The following GPR161 variants were observed in gnomAD, a reference collection of about 807,000 sequenced individuals.
GPR161 encodes the protein G-protein coupled receptor RE2.
Under a neutral mutation model 39.2 loss-of-function variants are expected in GPR161, and 25 were observed. The ratio of observed to expected loss-of-function variants is 0.64; its 90% CI spans 0.47 to 0.89. GPR161 has a LOEUF of 0.89. GPR161 is among the 40% of genes least tolerant of loss of function. The pLI is 0.00. For missense variants in GPR161, 547 were observed against 677.8 expected, an observed-to-expected ratio of 0.81 and a Z score of 2.14; for synonymous variants, 286 against 276.6, an observed-to-expected ratio of 1.03 and a Z score of -0.34.
Position 168,085,594 on chromosome 1 carries a change from C to T in GPR161, c.1527G>A (p.Val509=). 10 of 1,614,134 alleles carry T rather than the reference C, an allele frequency of 6.2e-6. No homozygotes were observed. The highest frequency in any genetic ancestry group is 8.5e-6 in the Non-Finnish European group (10 of 1,180,032). The change falls in exon 6 of 6, where the codon GTG becomes GTA. Residue 509 remains valine (V), a synonymous_variant. Coordinates refer to ENST00000682931, the MANE Select transcript of GPR161 (RefSeq NM_001375883.1). ...FGGRRGSRTL[V]SQRLQLQSIE... ...TGCTCTGCAACTGCAGCCTCTGGCT[C>T]ACAAGAGTTCTGCTGCCTCGGCGGC...
Position 168,096,769 on chromosome 1 carries a change from T to G in GPR161, c.838A>C (p.Met280Leu), listed in dbSNP as rs553618172. 2 of 1,613,988 alleles carry G rather than the reference T, an allele frequency of 1.2e-6. No homozygotes were observed. Among genetic ancestry groups the G allele is most frequent in the Non-Finnish European group, 8.5e-7 (1 of 1,180,000 alleles). The change falls in exon 3 of 6, where the codon ATG becomes CTG. Residue 280 changes from methionine (M) to leucine (L), a missense_variant. Physicochemically the swap from Met to Leu is conservative, Grantham distance 15. Transcript: ENST00000682931. ...ITILVVLGAFMVTWGPYMVVI... is the reference protein window; with the variant it reads ...ITILVVLGAFLVTWGPYMVVI... ...ACCATGTAGGGGCCCCAGGTGACCA[T>G]GAAGGCACCGAGGACCACCAGGATG...
chr1:168,127,180 C>A (rs1478218090), intron 1 of GPR161, among the ~76,000 whole-genome samples: 1 of 151,830 alleles, frequency 6.6e-6, no homozygotes, highest in African/African-American at 2.4e-5. Flanking sequence ...TCTTTTTTTC[C>A]CTTTCAAATT....
At chr1:168,095,719 A>G (rs531520224) in intron 3 of GPR161, among the ~76,000 whole-genome samples, 1 of 152,270 alleles carries the variant, frequency 6.6e-6, no homozygotes, top group African/African-American at 2.4e-5. Context: ...GAGGAGGAAG[A>G]CAGCAGCTGA....
chr1:168,123,643 T>C (rs908301571), intron 1 of GPR161, among the ~76,000 whole-genome samples: 2 of 151,822 alleles, frequency 1.3e-5, no homozygotes, highest in African/African-American at 4.8e-5. Context: ...AAGCTATCCA[T>C]TCTCCAATAC....
At chr1:168,130,864 T>C (rs997142262) in intron 1 of GPR161, among the ~76,000 whole-genome samples, 1 of 152,122 alleles carries the variant, frequency 6.6e-6, no homozygotes, top group African/African-American at 2.4e-5. Context: ...CTACCCTAGA[T>C]AAAACATCAC....
At chr1:168,134,665 G>C (rs1397579517) in intron 1 of GPR161, among the ~76,000 whole-genome samples, 1 of 152,124 alleles carries the variant, frequency 6.6e-6, no homozygotes, top group Non-Finnish European at 1.5e-5. Context: ...AAAATGTTTT[G>C]AATCAGTTGC....
rs975906038 is a variant in GPR161, at chr1:168,099,138, T to C, written c.375-1906A>G. 5.3e-5 allele frequency among the ~76,000 whole-genome samples: 8 copies of C among 152,330 alleles called. 1 individual carries two copies. The South Asian group carries it at 1.0e-3, about 20-fold the overall frequency. On this transcript the variant is annotated intron_variant, in intron 2 of 5. Coordinates refer to ENST00000682931, the MANE Select transcript of GPR161 (RefSeq NM_001375883.1). Reference sequence around the variant, plus strand: ...GAAAGCCCTACACTGCTCCTGCTTCTGCGATGACCCCCAGGGGACACTGGC... The same window carrying C: ...GAAAGCCCTACACTGCTCCTGCTTCCGCGATGACCCCCAGGGGACACTGGC...
At chr1:168,133,699 G>A (rs1443556637) in intron 1 of GPR161, among the ~76,000 whole-genome samples, 1 of 152,108 alleles carries the variant, frequency 6.6e-6, no homozygotes. Flanking sequence ...AGGCTCAAGC[G>A]ATCCTCCCAC....
intron 1 of GPR161, among the ~76,000 whole-genome samples, chr1:168,111,341 T>G (rs1334340118): frequency 6.6e-6 from 1 of 152,186 alleles, no homozygotes; most frequent in Admixed American, 6.5e-5. Flanking sequence ...TCCTGATTGG[T>G]CTAAACTAAT....
At chr1:168,091,019 A>T (rs780949055) in intron 3 of GPR161, among the ~76,000 whole-genome samples, 1 of 152,256 alleles carries the variant, frequency 6.6e-6, no homozygotes, top group Non-Finnish European at 1.5e-5. Context: ...TCAACCCCAC[A>T]TTCACCTCCT....
intron 1 of GPR161, among the ~76,000 whole-genome samples, chr1:168,122,776 C>T (rs943537892): frequency 2.0e-5 from 3 of 152,156 alleles, no homozygotes; most frequent in Admixed American, 1.3e-4. Flanking sequence ...CTATGTAACA[C>T]TTCATACCCC....
chr1:168,114,777 C>T (rs1697489482), intron 1 of GPR161, among the ~76,000 whole-genome samples: 1 of 152,214 alleles, frequency 6.6e-6, no homozygotes, highest in African/African-American at 2.4e-5. Context: ...TCACTGCAAG[C>T]CAGTGTTACC....
chr1:168,126,468 T>G (rs115816319), intron 1 of GPR161, among the ~76,000 whole-genome samples: 2,047 of 152,238 alleles, frequency 0.013, 53 homozygotes, highest in African/African-American at 0.045. Flanking sequence ...GTTTTGTTTT[T>G]TTTGAGACAG....
At chr1:168,111,303 G>C (rs1697147730) in intron 1 of GPR161, among the ~76,000 whole-genome samples, 1 of 152,176 alleles carries the variant, frequency 6.6e-6, no homozygotes, top group Admixed American at 6.5e-5. Flanking sequence ...AGAGAAGCCT[G>C]ATCTTATCCC....
intron 1 of GPR161, among the ~76,000 whole-genome samples, chr1:168,122,170 C>A (rs1018112127): frequency 1.3e-5 from 2 of 151,974 alleles, no homozygotes; most frequent in Non-Finnish European, 1.5e-5. Context: ...TTCCTGTGTT[C>A]CTCCTCATTC....
chr1:168,105,516 G>C (rs1245507062), intron 1 of GPR161, among the ~76,000 whole-genome samples: 1 of 152,206 alleles, frequency 6.6e-6, no homozygotes, highest in African/African-American at 2.4e-5. Flanking sequence ...CAATTTGACT[G>C]TAAGATTCTC....
At chr1:168,115,904 C>T (rs1427648414) in intron 1 of GPR161, among the ~76,000 whole-genome samples, 3 of 151,964 alleles carry the variant, frequency 2.0e-5, no homozygotes, top group Admixed American at 6.5e-5. Context: ...GCCTCCCGAG[C>T]AGCTGAGACT....
chr1:168,098,641 C>T lies in GPR161; in HGVS notation c.375-1409G>A, dbSNP rs1051126445. ...TGGAGGTGCTGCCTCCTTGGTCTTCCTAAGCAGGGGTGAGCCTGGGGCTGC... is the reference window on the plus strand; with the variant it reads ...TGGAGGTGCTGCCTCCTTGGTCTTCTTAAGCAGGGGTGAGCCTGGGGCTGC... On this transcript the variant is annotated intron_variant, in intron 2 of 5. Coordinates refer to ENST00000682931, the MANE Select transcript of GPR161 (RefSeq NM_001375883.1). The surrounding 1 kb of genome is among the most constrained non-coding windows in gnomAD (Gnocchi z 4.1). Among the ~76,000 whole-genome samples the T allele has an allele frequency of 6.6e-6, 1 of 152,256 alleles. No individual in the cohort carries two copies. The highest frequency in any genetic ancestry group is 1.9e-4 in the East Asian group (1 of 5,200).
chr1:168,088,744 A>G (rs1694781379), intron 4 of GPR161: 1 of 152,250 alleles, frequency 6.6e-6, no homozygotes, highest in Non-Finnish European at 1.5e-5. Context: ...GGACACAGCG[A>G]ACAAAGGGCA....
Sources: gnomAD v4.1 joint callset for allele counts (sites outside exome capture counted in the v4.1 genomes callset) on GRCh38, gnomAD v4.1.1 for gene constraint, Gnocchi (gnomAD v3.1) non-coding constraint, MANE v1.5 for transcripts, NCBI Gene and HGNC (gene_info 2026-07-23, HGNC 2026-07-21) for gene names.